CCDC18: variants seen among roughly 807,000 people sequenced by gnomAD.
CCDC18 encodes the protein coiled-coil domain-containing protein 18.
Under a neutral mutation model 196.0 loss-of-function variants are expected in CCDC18, and 157 were observed. The observed-to-expected ratio is 0.80, with a 90% CI of 0.70 to 0.91. The LOEUF (loss-of-function observed/expected upper bound fraction) is 0.91, where lower values mean the gene tolerates loss of function less well. Among genes scored for constraint, CCDC18 ranks in the 40% least tolerant of loss-of-function variants. CCDC18 has a pLI of 0.00. For missense variants in CCDC18, 1,465 were observed against 1,611.6 expected (o/e 0.91, Z 1.56); for synonymous variants, 482 against 529.2 (o/e 0.91, Z 1.22).
chr1:93,244,359 A>G (rs1661216302), intron 21 of CCDC18, among the ~76,000 whole-genome samples: 1 of 152,248 alleles, frequency 6.6e-6, no homozygotes, highest in African/African-American at 2.4e-5. Flanking sequence ...ACCATATCAT[A>G]TAGTGTATCC....
chr1:93,234,973 GGC>G (rs1659855824), intron 18 of CCDC18, among the ~76,000 whole-genome samples: 2 of 146,300 alleles, frequency 1.4e-5, no homozygotes, highest in Admixed American at 6.9e-5. Context: ...GTGTGTGTGT[GGC>G]TTTTCTTTTT....
chr1:93,268,689 T>C (rs1664872618), intron 27 of CCDC18, among the ~76,000 whole-genome samples: 1 of 152,146 alleles, frequency 6.6e-6, no homozygotes, highest in Non-Finnish European at 1.5e-5. Context: ...TCATCATCAC[T>C]GGTCATCAGA....
chr1:93,237,798 C>T lies in CCDC18; in HGVS notation c.2603+1408C>T, dbSNP rs145799822. ...ACCTCTGAAGCTGATCCTTCTGACACCTTGGCTTCTCATTTTTAACAATTT... is the reference window on the plus strand; with the variant it reads ...ACCTCTGAAGCTGATCCTTCTGACATCTTGGCTTCTCATTTTTAACAATTT... On this transcript the variant is annotated intron_variant, in intron 19 of 28. Coordinates refer to ENST00000690025, the MANE Select transcript of CCDC18 (RefSeq NM_001378204.1). Among the ~76,000 whole-genome samples the T allele has an allele frequency of 4.0e-3, 605 of 152,248 alleles. 2 individuals carry two copies. The highest frequency in any genetic ancestry group is 0.013 in the African/African-American group (549 of 41,544).
chr1:93,276,049 G>C (rs1665602669), intron 28 of CCDC18, among the ~76,000 whole-genome samples: 1 of 152,226 alleles, frequency 6.6e-6, no homozygotes. Flanking sequence ...TTTTAAAGCA[G>C]TGGTAGGGCC....
Position 93,232,500 on chromosome 1 carries a change from A to G in CCDC18, c.2367A>G (p.Leu789=), listed in dbSNP as rs759202968. The G allele has an allele frequency of 1.9e-6, 3 of 1,612,464 alleles. No individual in the cohort carries two copies. The highest frequency in any genetic ancestry group is 1.3e-5 in the African/African-American group (1 of 75,016). Reference sequence around the variant, plus strand: ...AGACTTCTGAGCAAAACGTTATTCTACAGCATACTCTTCAGCAACAGCAGC... The same window carrying G: ...AGACTTCTGAGCAAAACGTTATTCTGCAGCATACTCTTCAGCAACAGCAGC... ...LQETSEQNVI[L]QHTLQQQQQM... The change falls in exon 18 of 29, where the codon CTA becomes CTG. Residue 789 remains leucine, a synonymous_variant. Transcript: ENST00000690025.
chr1:93,255,633 G>A (rs1434912922), intron 24 of CCDC18, among the ~76,000 whole-genome samples: 1 of 152,128 alleles, frequency 6.6e-6, no homozygotes, highest in Admixed American at 6.5e-5. Flanking sequence ...CTACTTGGGA[G>A]GCTGAGATGG....
chr1:93,195,071 A>C (rs547947900), intron 6 of CCDC18, among the ~76,000 whole-genome samples: 1 of 152,230 alleles, frequency 6.6e-6, no homozygotes, highest in East Asian at 1.9e-4. Context: ...GGGTTTCACC[A>C]TGATGGTCAG....
At position 93,205,630 on chromosome 1, in the gene CCDC18, A is replaced by G. The variant is rs763831044; in HGVS notation, c.916A>G (p.Arg306Gly). The G allele has an allele frequency of 4.4e-6, 7 of 1,590,654 alleles. No individual in the cohort carries two copies. In the Admixed American group the frequency reaches 1.3e-4, roughly 29 times the overall value. Residue 306 changes from arginine (R) to glycine (G), a missense_variant and splice_region_variant, in exon 8 of 29, where the codon AGG becomes GGG. Arg to Gly is a moderately radical substitution (Grantham distance 125). Coordinates refer to ENST00000690025, the MANE Select transcript of CCDC18 (RefSeq NM_001378204.1). The stretch of plus-strand genomic sequence containing the variant: ...ACTTGAAATTCTGAAAGAGAAATTA[A>G]GGTACAGTATTCTGTTGTAGAAAAA... The part of the protein sequence containing the change: ...SELEILKEKL[R>G]QLKEENNNGK...
At chr1:93,221,474 AAGAG>A (rs1434498859) in intron 14 of CCDC18, 131 bp from the exon 15 acceptor site, 3 of 514,844 alleles carry the variant, frequency 5.8e-6, no homozygotes, top group Non-Finnish European at 9.6e-6. Context: ...CTTCCTTAAA[AAGAG>A]AGAAGCTGAA....
At position 93,256,322 on chromosome 1, in the gene CCDC18, T is replaced by G. The variant is rs762858075; in HGVS notation, c.3343-13T>G. 9 of 1,611,236 alleles carry G rather than the reference T, an allele frequency of 5.6e-6. No individual in the cohort carries two copies. The East Asian group carries it at 2.0e-4, about 36-fold the overall frequency. On this transcript the variant is annotated splice_polypyrimidine_tract_variant and intron_variant, in intron 24 of 28. Transcript: ENST00000690025. ...TTTCATTCTGAAACCTACAAATACC[T>G]TATGCTTTTCAGGTTATGAAAGAGC... is the stretch of plus-strand genomic sequence containing the variant.
chr1:93,203,535 A>G (rs1395234839), intron 7 of CCDC18, among the ~76,000 whole-genome samples: 2 of 152,220 alleles, frequency 1.3e-5, no homozygotes, highest in Admixed American at 6.5e-5. Flanking sequence ...CAGGTAGATT[A>G]GCTTTTGAAA....
At chr1:93,210,716 C>A in intron 9 of CCDC18, 86 bp from the exon 10 acceptor site, 2 of 907,332 alleles carry the variant, frequency 2.2e-6, no homozygotes, top group South Asian at 1.7e-5. Context: ...TAAATTCATA[C>A]AGTTTTTAAA....
At position 93,235,147 on chromosome 1, in the gene CCDC18, A is replaced by G. The variant is rs188818108; in HGVS notation, c.2461-1101A>G. On this transcript the variant is annotated intron_variant, in intron 18 of 28. Coordinates refer to ENST00000690025, the MANE Select transcript of CCDC18 (RefSeq NM_001378204.1). ...GCAAGATATTAATGGTTTATGATCT[A>G]TATTTAGTTCTTCAGTGAGGGATTT... Among the ~76,000 whole-genome samples the G allele has an allele frequency of 5.3e-5, 8 of 152,026 alleles. No individual in the cohort carries two copies. In the East Asian group the frequency reaches 1.4e-3, roughly 26 times the overall value.
At chr1:93,236,541 A>G in intron 19 of CCDC18, 151 bp downstream of exon 19, 1 of 717,606 alleles carries the variant, frequency 1.4e-6, no homozygotes. Flanking sequence ...TATTTCCTTC[A>G]TATCTCTCAT....
At chr1:93,257,785 T>C (rs1663210662) in intron 25 of CCDC18, among the ~76,000 whole-genome samples, 1 of 152,136 alleles carries the variant, frequency 6.6e-6, no homozygotes, top group African/African-American at 2.4e-5. Flanking sequence ...TAAGCTAAGC[T>C]CACTTTAAAA....
chr1:93,195,312 G>A (rs554617696), intron 6 of CCDC18, among the ~76,000 whole-genome samples: 61 of 152,180 alleles, frequency 4.0e-4, no homozygotes, highest in Non-Finnish European at 6.6e-4. Flanking sequence ...GTAAATAGGT[G>A]TAGTGGGAGA....
chr1:93,274,809 A>C (rs1002264579), intron 28 of CCDC18, among the ~76,000 whole-genome samples: 6 of 152,236 alleles, frequency 3.9e-5, no homozygotes, highest in African/African-American at 1.2e-4. Flanking sequence ...CATGCAATGC[A>C]GCAAGAACCC....
In CCDC18 at chr1:93,208,297, G is replaced by A. The variant is rs781310741; in HGVS notation, c.1209+899G>A. 2.2e-3 allele frequency among the ~76,000 whole-genome samples: 330 copies of A among 151,752 alleles called. 12 individuals are homozygous for A. Among genetic ancestry groups the A allele is most frequent in the Non-Finnish European group, 6.5e-4 (44 of 67,948 alleles). On this transcript the variant is annotated intron_variant, in intron 9 of 28. Transcript: ENST00000690025. Reference sequence around the variant, plus strand: ...TTTTATTATAACCATCTTAGTGGGTGTGAAGTGGTATCACATTGTGGTTTT... The same window carrying A: ...TTTTATTATAACCATCTTAGTGGGTATGAAGTGGTATCACATTGTGGTTTT...
intron 26 of CCDC18, among the ~76,000 whole-genome samples, chr1:93,263,624 C>G (rs773328647): frequency 1.1e-4 from 16 of 152,212 alleles, no homozygotes; most frequent in Non-Finnish European, 1.5e-4. Flanking sequence ...GTCCATATCA[C>G]TATCAGCATT....
Sources: gnomAD v4.1 joint callset for allele counts (sites outside exome capture counted in the v4.1 genomes callset) on GRCh38, gnomAD v4.1.1 for gene constraint, MANE v1.5 for transcripts, NCBI Gene and HGNC (gene_info 2026-07-23, HGNC 2026-07-21) for gene names.